SLC30A8: variants seen among roughly 807,000 people sequenced by gnomAD.
The protein encoded by SLC30A8 is proton-coupled zinc antiporter SLC30A8.
Under a neutral mutation model 36.9 loss-of-function variants are expected in SLC30A8, and 27 were observed. The observed-to-expected ratio is 0.73, with a 90% CI of 0.54 to 1.01. The LOEUF (loss-of-function observed/expected upper bound fraction) is 1.01, where lower values mean the gene tolerates loss of function less well. SLC30A8 is among the 50% of genes least tolerant of loss of function. The probability of loss-of-function intolerance (pLI) is 0.00; values close to 1 mark genes in which losing one functional copy is unlikely to be tolerated. For synonymous variants in SLC30A8, 164 were observed against 172.4 expected, an observed-to-expected ratio of 0.95 and a Z score of 0.38; for missense variants, 439 against 452.0, an observed-to-expected ratio of 0.97 and a Z score of 0.26.
At chr8:117,127,999 C>CT (rs1820976753) in intron 2 of SLC30A8, among the ~76,000 whole-genome samples, 2 of 152,038 alleles carry the variant, frequency 1.3e-5, no homozygotes, top group Admixed American at 1.3e-4. Context: ...TTACATCTGT[C>CT]TAAATTGCTT....
At chr8:117,153,212 C>T in intron 3 of SLC30A8, 122 bp downstream of exon 3, 2 of 932,630 alleles carry the variant, frequency 2.1e-6, no homozygotes, top group South Asian at 2.6e-5. Context: ...TTCTGATGCA[C>T]AGGATAAAAC....
At chr8:117,128,593 C>T (rs1821008122) in intron 2 of SLC30A8, 1 of 152,114 alleles carries the variant, frequency 6.6e-6, no homozygotes, top group South Asian at 2.1e-4. Context: ...CCACTGTCTA[C>T]ACTCTTGAAA....
At chr8:116,977,141 C>CTTTTTTTTTTTTTTTTTTTTTTT (rs71305451) in intron 1 of SLC30A8, among the ~76,000 whole-genome samples, 4 of 59,094 alleles carry the variant, frequency 6.8e-5, no homozygotes, top group Admixed American at 3.0e-4. Flanking sequence ...CTTTTTCTTG[C>CTTTTTTTTTTTTTTTTTTTTTTT]TTTTTTTTTT....
intron 1 of SLC30A8, among the ~76,000 whole-genome samples, chr8:117,032,632 G>C (rs1389696680): frequency 6.6e-6 from 1 of 152,212 alleles, no homozygotes; most frequent in African/African-American, 2.4e-5. Flanking sequence ...GCTGATGCCT[G>C]TAATCCTGGC....
At chr8:116,978,268 A>G (rs1406404209) in intron 1 of SLC30A8, among the ~76,000 whole-genome samples, 1 of 152,142 alleles carries the variant, frequency 6.6e-6, no homozygotes, top group African/African-American at 2.4e-5. Flanking sequence ...ATTAATAATG[A>G]ATATGCTTGT....
intron 1 of SLC30A8, among the ~76,000 whole-genome samples, chr8:116,955,699 G>A (rs1814168700): frequency 6.6e-6 from 1 of 150,920 alleles, no homozygotes; most frequent in African/African-American, 2.4e-5. Context: ...CTCCAGCCTG[G>A]GTGACAGAGC....
intron 1 of SLC30A8, among the ~76,000 whole-genome samples, chr8:117,024,981 CCA>C (rs796131174): frequency 4.7e-4 from 72 of 152,188 alleles, no homozygotes; most frequent in African/African-American, 1.6e-3. Flanking sequence ...CTTACATGCC[CCA>C]GTGTGTAGCA....
chr8:117,041,962 A>G (rs1430653115), intron 2 of SLC30A8, among the ~76,000 whole-genome samples: 1 of 152,230 alleles, frequency 6.6e-6, no homozygotes, highest in Admixed American at 6.5e-5. Flanking sequence ...TACGCCATGA[A>G]TAAATGAGAT....
chr8:116,992,809 T>A (rs1028916856), intron 1 of SLC30A8, among the ~76,000 whole-genome samples: 6 of 152,158 alleles, frequency 3.9e-5, no homozygotes, highest in African/African-American at 1.2e-4. Flanking sequence ...ATAAAATAAT[T>A]ATTTGCAGCC....
chr8:117,007,158 G>A (rs1025856942), intron 1 of SLC30A8: 3 of 151,504 alleles, frequency 2.0e-5, no homozygotes, highest in African/African-American at 7.3e-5. Flanking sequence ...TGGTCTCAGA[G>A]GTGATGTGTC....
intron 2 of SLC30A8, among the ~76,000 whole-genome samples, chr8:117,097,408 A>ATATATATATATAT (rs1289257794): frequency 8.1e-6 from 1 of 123,066 alleles, no homozygotes; most frequent in African/African-American, 3.3e-5. Flanking sequence ...AAAAAAAAAA[A>ATATATATATATAT]AAAAAAAAAA....
chr8:116,950,469 C>T (rs1041069650), upstream of SLC30A8: 2 of 152,208 alleles, frequency 1.3e-5, no homozygotes, highest in Admixed American at 6.5e-5. Context: ...TACTACCTAT[C>T]TGATTCTGTC....
At chr8:117,155,580 TATTA>T (rs1338348370) in intron 3 of SLC30A8, among the ~76,000 whole-genome samples, 6 of 152,218 alleles carry the variant, frequency 3.9e-5, no homozygotes, top group Non-Finnish European at 2.9e-5. Flanking sequence ...GGGGGTACAT[TATTA>T]ATTTTCATAA....
intron 2 of SLC30A8, among the ~76,000 whole-genome samples, chr8:117,042,591 T>C (rs541043208): frequency 5.9e-5 from 9 of 152,128 alleles, no homozygotes; most frequent in Non-Finnish European, 1.0e-4. Flanking sequence ...AGTCCTGCTT[T>C]GGGAGTCATC....
chr8:116,962,023 A>G (rs1013280790), intron 1 of SLC30A8, among the ~76,000 whole-genome samples: 1 of 151,980 alleles, frequency 6.6e-6, no homozygotes, highest in Non-Finnish European at 1.5e-5. Flanking sequence ...AGTACTTGAA[A>G]TATCTAGTCT....
Position 117,161,814 on chromosome 8 carries a change from GC to G in SLC30A8, c.650del (p.Ala217ValfsTer16), listed in dbSNP as rs1434706317. 6.2e-7 allele frequency: 1 copy of G among 1,613,970 alleles called. No individual in the cohort carries two copies. Among genetic ancestry groups the G allele is most frequent in the East Asian group, 2.2e-5 (1 of 44,860 alleles). ...ACAAGCCAATGCCAGCGTCAGAGCTGCTTTTGTGCATGCCCTTGGAGATCTA... is the reference window on the plus strand; with the variant it reads ...ACAAGCCAATGCCAGCGTCAGAGCTGTTTTGTGCATGCCCTTGGAGATCTA... ...EVQANASVRA[A>X]FVHALGDLFQ... On this transcript the variant is annotated frameshift_variant, in exon 5 of 8. Coordinates refer to ENST00000456015, the MANE Select transcript of SLC30A8 (RefSeq NM_173851.3). LOFTEE classifies it high-confidence loss of function.
chr8:117,158,624 T>C (rs1822623316), intron 4 of SLC30A8, among the ~76,000 whole-genome samples: 1 of 152,262 alleles, frequency 6.6e-6, no homozygotes, highest in Non-Finnish European at 1.5e-5. Flanking sequence ...GATGAGCATA[T>C]GTCCCTTGAC....
At chr8:117,012,333 T>C (rs1816370227) in intron 1 of SLC30A8, among the ~76,000 whole-genome samples, 1 of 152,092 alleles carries the variant, frequency 6.6e-6, no homozygotes, top group African/African-American at 2.4e-5. Context: ...CTAATTACAG[T>C]ATTTTAGCAG....
chr8:117,040,376 T>C (rs1047520624), intron 2 of SLC30A8, among the ~76,000 whole-genome samples: 2 of 152,234 alleles, frequency 1.3e-5, no homozygotes, highest in African/African-American at 4.8e-5. Context: ...TGCAAAACTA[T>C]GCTCTGTCTA....
Sources: gnomAD v4.1 joint callset for allele counts (sites outside exome capture counted in the v4.1 genomes callset) on GRCh38, gnomAD v4.1.1 for gene constraint, MANE v1.5 for transcripts, NCBI Gene and HGNC (gene_info 2026-07-23, HGNC 2026-07-21) for gene names.